The following ATP2B2 variants were observed in gnomAD, a reference collection of about 807,000 sequenced individuals.
The protein encoded by ATP2B2 is ATPase plasma membrane Ca2+ transporting 2.
A neutral mutation model predicts 120.0 loss-of-function variants in ATP2B2; 15 were observed. That is an observed-to-expected ratio of 0.12 (90% CI 0.08 to 0.19). The LOEUF is 0.19. ATP2B2 is among the 10% of genes least tolerant of loss of function. ATP2B2 has a pLI of 1.00. For missense variants in ATP2B2, 1,045 were observed against 1,719.8 expected (o/e 0.61, Z 6.94); for synonymous variants, 694 against 700.3 (o/e 0.99, Z 0.14).
chr3:10,591,784 A>G (rs1186449868), intron 2 of ATP2B2, among the ~76,000 whole-genome samples: 1 of 152,200 alleles, frequency 6.6e-6, no homozygotes, highest in Non-Finnish European at 1.5e-5. Context: ...GAGGGAGCTT[A>G]GGCTTGCACT....
intron 1 of ATP2B2, among the ~76,000 whole-genome samples, chr3:10,703,213 G>A (rs757212538): frequency 5.3e-5 from 8 of 152,134 alleles, no homozygotes; most frequent in Non-Finnish European, 1.2e-4. Context: ...TCTCTTATTG[G>A]TCAACATGGG....
At chr3:10,538,997 C>A (rs2067376448) in intron 2 of ATP2B2, among the ~76,000 whole-genome samples, 1 of 152,202 alleles carries the variant, frequency 6.6e-6, no homozygotes, top group African/African-American at 2.4e-5. Flanking sequence ...AGCCCAAAAT[C>A]TTCTTAAGCT....
At chr3:10,359,023 G>C in intron 13 of ATP2B2, 98 bp from the exon 14 acceptor site, 1 of 1,188,258 alleles carries the variant, frequency 8.4e-7, no homozygotes, top group Non-Finnish European at 1.2e-6. Flanking sequence ...AGCTAGCTGT[G>C]GCTGGTCATC....
Position 10,375,566 on chromosome 3 carries a change from G to T in ATP2B2, c.1280C>A (p.Pro427Gln), listed in dbSNP as rs149899981. Reference sequence around the variant, plus strand: ...GACGGGCGTGCACTCAGGCAGCCACGGCTTCTTGTTGACCACGAAGGTGTC... The same window carrying T: ...GACGGGCGTGCACTCAGGCAGCCACTGCTTCTTGTTGACCACGAAGGTGTC... ...TVDTFVVNKK[P>Q]WLPECTPVYV... The change falls in exon 11 of 23, where the codon CCG (proline) becomes CAG (glutamine). Residue 427 changes from proline (P) to glutamine (Q), a missense_variant. By Grantham distance (76) the Pro-to-Gln change is moderately conservative. Transcript: ENST00000360273. The surrounding 1 kb of genome is among the most constrained non-coding windows in gnomAD (Gnocchi z 4.2). 5.6e-6 allele frequency: 9 copies of T among 1,613,754 alleles called. No homozygotes were observed. The East Asian group carries it at 1.8e-4, about 32-fold the overall frequency.
At chr3:10,497,307 C>T (rs575440867) in intron 1 of ATP2B2, among the ~76,000 whole-genome samples, 13 of 152,334 alleles carry the variant, frequency 8.5e-5, no homozygotes, top group African/African-American at 3.1e-4. Flanking sequence ...CAGCATTGGG[C>T]TGGTGCCTGG....
At chr3:10,586,080 T>G (rs567571808) in intron 2 of ATP2B2, among the ~76,000 whole-genome samples, 2 of 152,196 alleles carry the variant, frequency 1.3e-5, no homozygotes, top group African/African-American at 4.8e-5. Flanking sequence ...TAGTGGTCAT[T>G]TTTATTAGTC....
intron 3 of ATP2B2, among the ~76,000 whole-genome samples, chr3:10,529,833 T>G (rs892354785): frequency 6.6e-6 from 1 of 152,016 alleles, no homozygotes; most frequent in African/African-American, 2.4e-5. Flanking sequence ...AAAAAGGGGA[T>G]CTTTGGACAC....
intron 1 of ATP2B2, among the ~76,000 whole-genome samples, chr3:10,454,959 T>G (rs558723423): frequency 1.3e-4 from 20 of 152,298 alleles, no homozygotes; most frequent in African/African-American, 4.6e-4. Context: ...TCACACTGTA[T>G]TGCTTGAGCC....
chr3:10,389,587 T>C (rs2061785250), intron 5 of ATP2B2, among the ~76,000 whole-genome samples: 1 of 152,096 alleles, frequency 6.6e-6, no homozygotes, highest in African/African-American at 2.4e-5. Flanking sequence ...GAATGGTGGG[T>C]GCCAGGGGCT....
intron 1 of ATP2B2, among the ~76,000 whole-genome samples, chr3:10,468,363 T>C (rs917746817): frequency 1.3e-5 from 2 of 152,182 alleles, no homozygotes; most frequent in African/African-American, 2.4e-5. Context: ...CCCTTCCTGT[T>C]TGGAAGAAGT....
chr3:10,391,229 C>T (rs1164600331), intron 5 of ATP2B2, among the ~76,000 whole-genome samples: 1 of 152,128 alleles, frequency 6.6e-6, no homozygotes, highest in African/African-American at 2.4e-5. Flanking sequence ...GGTGGACTGC[C>T]GAGTCACTCT....
At chr3:10,382,020 T>G (rs2061544333) in intron 8 of ATP2B2, among the ~76,000 whole-genome samples, 1 of 152,136 alleles carries the variant, frequency 6.6e-6, no homozygotes, top group African/African-American at 2.4e-5. Flanking sequence ...GGAAAATCAC[T>G]GTGTAAACGT....
At chr3:10,360,243 C>T in intron 12 of ATP2B2, 120 bp from the exon 13 acceptor site, 2 of 1,447,136 alleles carry the variant, frequency 1.4e-6, no homozygotes, top group Middle Eastern at 2.6e-4. Context: ...GGGGCTGAGC[C>T]CTCAGGGAGC....
chr3:10,621,704 C>T (rs1452580298), intron 1 of ATP2B2, among the ~76,000 whole-genome samples: 4 of 152,224 alleles, frequency 2.6e-5, no homozygotes, highest in Non-Finnish European at 5.9e-5. Context: ...TTTGAGCAGG[C>T]ACAAAGCTAA....
chr3:10,536,350 T>C (rs926275301), intron 2 of ATP2B2, among the ~76,000 whole-genome samples: 1 of 152,072 alleles, frequency 6.6e-6, no homozygotes, highest in Non-Finnish European at 1.5e-5. Flanking sequence ...TTTTTTGTCT[T>C]TTTATCCTTG....
intron 2 of ATP2B2, among the ~76,000 whole-genome samples, chr3:10,430,388 G>A (rs1250324841): frequency 2.6e-5 from 4 of 152,150 alleles, no homozygotes; most frequent in African/African-American, 9.7e-5. Context: ...CACAAGAGGA[G>A]GTGAAAATAT....
chr3:10,623,054 CTTTTTTTT>C (rs34097914), intron 1 of ATP2B2, among the ~76,000 whole-genome samples: 12 of 106,644 alleles, frequency 1.1e-4, no homozygotes, highest in African/African-American at 2.8e-4. Flanking sequence ...TTGGTCAGCT[CTTTTTTTT>C]TTTTTTTTTT....
chr3:10,341,795 G>C (rs1156522411), intron 19 of ATP2B2, among the ~76,000 whole-genome samples: 1 of 152,210 alleles, frequency 6.6e-6, no homozygotes, highest in Admixed American at 6.5e-5. Flanking sequence ...GTCTCTTCTA[G>C]TTCTGCATAT....
chr3:10,408,906 C>T (rs910411747), intron 3 of ATP2B2, among the ~76,000 whole-genome samples: 3 of 152,116 alleles, frequency 2.0e-5, no homozygotes, highest in Admixed American at 6.5e-5. Context: ...GGGACAGGAC[C>T]GAGGAGCCAG....
Sources: gnomAD v4.1 joint callset for allele counts (sites outside exome capture counted in the v4.1 genomes callset) on GRCh38, gnomAD v4.1.1 for gene constraint, Gnocchi (gnomAD v3.1) non-coding constraint, MANE v1.5 for transcripts, NCBI Gene and HGNC (gene_info 2026-07-23, HGNC 2026-07-21) for gene names.